FGD4: variants seen among roughly 807,000 people sequenced by gnomAD.
The protein encoded by FGD4 is FYVE, RhoGEF and PH domain containing 4.
A neutral mutation model predicts 102.0 loss-of-function variants in FGD4; 42 were observed. The ratio of observed to expected loss-of-function variants is 0.41; its 90% CI spans 0.32 to 0.53. The LOEUF (loss-of-function observed/expected upper bound fraction) is 0.53. Ranked by LOEUF, FGD4 falls within the 20% of genes least tolerant of loss-of-function variation. FGD4 has a pLI of 0.21. For synonymous variants in FGD4, 380 were observed against 375.7 expected, an observed-to-expected ratio of 1.01 and a Z score of -0.13; for missense variants, 902 against 1,078.2, an observed-to-expected ratio of 0.84 and a Z score of 2.29.
At position 32,452,177 on chromosome 12, in the gene FGD4, C is replaced by G. The variant is rs190942897; in HGVS notation, c.166+52218C>G. On this transcript the variant is annotated intron_variant, in intron 1 of 16. Transcript: ENST00000534526. ...AGTCTATTCTACTGAAGTAACTCTT[C>G]TGGAAGCCATCCTGTTTCACTATTA... is the stretch of plus-strand genomic sequence containing the variant. Among the ~76,000 whole-genome samples, 907 of 151,630 alleles carry G rather than the reference C, an allele frequency of 6.0e-3. 4 individuals carry two copies. The highest frequency in any genetic ancestry group is 9.6e-3 in the Non-Finnish European group (648 of 67,772).
At position 32,422,922 on chromosome 12, in the gene FGD4, A is replaced by G. The variant is rs770443625; in HGVS notation, c.166+22963A>G. On this transcript the variant is annotated intron_variant, in intron 1 of 16. Coordinates refer to ENST00000534526, the MANE Select transcript of FGD4 (RefSeq NM_001370298.3). Reference sequence around the variant, plus strand: ...GAGTGGGAACTATTACCCTCATCGTACAGAAGAGGAAGCAGAAGCCCATAA... The same window carrying G: ...GAGTGGGAACTATTACCCTCATCGTGCAGAAGAGGAAGCAGAAGCCCATAA... 2.0e-5 allele frequency among the ~76,000 whole-genome samples: 3 copies of G among 152,144 alleles called. No individual in the cohort carries two copies. In the East Asian group the frequency reaches 5.8e-4, roughly 29 times the overall value.
At chr12:32,591,284 T>G (rs562497953) in intron 4 of FGD4, among the ~76,000 whole-genome samples, 1 of 152,340 alleles carries the variant, frequency 6.6e-6, no homozygotes, top group South Asian at 2.1e-4. Context: ...TTTACGTACA[T>G]TTTGTTTTGA....
chr12:32,617,096 C>A (rs1288236787), intron 10 of FGD4, among the ~76,000 whole-genome samples: 4 of 152,178 alleles, frequency 2.6e-5, no homozygotes, highest in African/African-American at 9.6e-5. Flanking sequence ...ATGACCCAAA[C>A]ACTTACCATT....
intron 1 of FGD4, among the ~76,000 whole-genome samples, chr12:32,436,997 T>C (rs1942251666): frequency 6.6e-6 from 1 of 151,134 alleles, no homozygotes; most frequent in African/African-American, 2.4e-5. Context: ...TAGTCCCAGC[T>C]ATGTGGGAGG....
chr12:32,462,566 T>C (rs182089481), intron 1 of FGD4, among the ~76,000 whole-genome samples: 5,752 of 135,922 alleles, frequency 0.042, 162 homozygotes, highest in South Asian at 0.13. Flanking sequence ...TTATACATTC[T>C]GATTTTTTTT....
intron 4 of FGD4, among the ~76,000 whole-genome samples, chr12:32,590,668 C>T (rs1400207387): frequency 1.3e-5 from 2 of 152,156 alleles, no homozygotes; most frequent in African/African-American, 4.8e-5. Context: ...CTCATGATGG[C>T]ACAGCTTCCT....
intron 11 of FGD4, 95 bp downstream of exon 11, chr12:32,619,965 T>C: frequency 1.4e-6 from 2 of 1,412,200 alleles, no homozygotes; most frequent in East Asian, 2.3e-5. Context: ...CTCAAGTGAA[T>C]GCTGCATATC....
At chr12:32,410,636 C>T (rs536948723) in intron 1 of FGD4, among the ~76,000 whole-genome samples, 1 of 152,266 alleles carries the variant, frequency 6.6e-6, no homozygotes, top group Non-Finnish European at 1.5e-5. Context: ...CTCACTTAAG[C>T]GAGAATAGAG....
chr12:32,638,052 C>T (rs991801350), intron 15 of FGD4, among the ~76,000 whole-genome samples: 2 of 152,258 alleles, frequency 1.3e-5, no homozygotes, highest in East Asian at 3.9e-4. Context: ...AAGTAGGTAT[C>T]GCATTGTCGT....
At position 32,638,720 on chromosome 12, in the gene FGD4, A is replaced by G; in HGVS notation, c.2379A>G (p.Ser793=). The G allele has an allele frequency of 6.2e-7, 1 of 1,614,228 alleles. No homozygotes were observed. ...VCSFLQYMEK[S]KPWQKAWCVI... is the part of the protein sequence containing the mutation. ...GCTTTCTTCAGTATATGGAGAAGTC[A>G]AAACCTTGGCAGAAAGCTTGGTGTG... Residue 793 remains serine, a synonymous_variant, in exon 16 of 17, where the codon TCA becomes TCG. Transcript: ENST00000534526.
intron 1 of FGD4, among the ~76,000 whole-genome samples, chr12:32,558,415 A>G (rs1308209525): frequency 2.0e-5 from 3 of 152,202 alleles, no homozygotes; most frequent in East Asian, 1.9e-4. Context: ...GACCCAGTGC[A>G]TGGATGGATG....
intron 1 of FGD4, among the ~76,000 whole-genome samples, chr12:32,499,798 T>C (rs2136612519): frequency 6.6e-6 from 1 of 152,322 alleles, no homozygotes; most frequent in Admixed American, 6.5e-5. Flanking sequence ...GGTGGATCAC[T>C]TGAGCTCAGG....
chr12:32,454,844 C>T (rs1942907660), intron 1 of FGD4, among the ~76,000 whole-genome samples: 1 of 152,138 alleles, frequency 6.6e-6, no homozygotes, highest in African/African-American at 2.4e-5. Flanking sequence ...CTTGTTCTGA[C>T]AGTGTATCCT....
At chr12:32,495,012 T>A (rs7955955) in intron 1 of FGD4, among the ~76,000 whole-genome samples, 65,887 of 152,010 alleles carry the variant, frequency 0.43, 15,537 homozygotes, top group East Asian at 0.84. Context: ...TTTTTTCATG[T>A]CAGGAAGTCA....
intron 1 of FGD4, among the ~76,000 whole-genome samples, chr12:32,411,021 C>T (rs916715197): frequency 2.7e-5 from 4 of 150,374 alleles, no homozygotes; most frequent in Non-Finnish European, 4.4e-5. Context: ...GCCTCCGCCT[C>T]CCAGGTTCCA....
chr12:32,546,124 A>G (rs1187912284), intron 1 of FGD4, among the ~76,000 whole-genome samples: 1 of 152,228 alleles, frequency 6.6e-6, no homozygotes, highest in Non-Finnish European at 1.5e-5. Flanking sequence ...ATGTGTGGCC[A>G]GTAGACTCTT....
intron 1 of FGD4, among the ~76,000 whole-genome samples, chr12:32,500,615 G>A (rs936186402): frequency 1.3e-5 from 2 of 151,728 alleles, no homozygotes; most frequent in Non-Finnish European, 2.9e-5. Context: ...TGTATTTTTA[G>A]TAGAGACGGG....
At chr12:32,538,069 A>G (rs1222578253) in intron 1 of FGD4, among the ~76,000 whole-genome samples, 2 of 151,998 alleles carry the variant, frequency 1.3e-5, no homozygotes, top group African/African-American at 2.4e-5. Context: ...GCTACTTTTT[A>G]TATTTTTAGT....
chr12:32,441,726 C>T (rs929387759), intron 1 of FGD4, among the ~76,000 whole-genome samples: 1 of 152,090 alleles, frequency 6.6e-6, no homozygotes, highest in African/African-American at 2.4e-5. Flanking sequence ...AGCCCTAGGA[C>T]TCACCTAGAA....
Sources: gnomAD v4.1 joint callset for allele counts (sites outside exome capture counted in the v4.1 genomes callset) on GRCh38, gnomAD v4.1.1 for gene constraint, MANE v1.5 for transcripts, NCBI Gene and HGNC (gene_info 2026-07-23, HGNC 2026-07-21) for gene names.